SYT17: variants seen among roughly 807,000 people sequenced by gnomAD.
SYT17 encodes the protein synaptotagmin 17.
A neutral mutation model predicts 46.7 loss-of-function variants in SYT17; 22 were observed. That is an observed-to-expected ratio of 0.47 (90% CI 0.34 to 0.67). The LOEUF (loss-of-function observed/expected upper bound fraction) is 0.67. Ranked by LOEUF, SYT17 falls within the 30% of genes least tolerant of loss-of-function variation. The probability of loss-of-function intolerance (pLI) is 0.01; values close to 1 mark genes in which losing one functional copy is unlikely to be tolerated. For synonymous variants in SYT17, 251 were observed against 248.4 expected (o/e 1.01, Z -0.10); for missense variants, 519 against 612.8 (o/e 0.85, Z 1.62).
At chr16:19,187,206 T>A (rs994990859) in intron 5 of SYT17, among the ~76,000 whole-genome samples, 2 of 151,964 alleles carry the variant, frequency 1.3e-5, no homozygotes, top group East Asian at 3.9e-4. Flanking sequence ...GGTTAGTTTT[T>A]AAAAAAATAC....
intron 7 of SYT17, among the ~76,000 whole-genome samples, chr16:19,243,731 T>C (rs1967307844): frequency 7.0e-6 from 1 of 143,560 alleles, no homozygotes; most frequent in Non-Finnish European, 1.5e-5. Flanking sequence ...GGCAGGAGAA[T>C]CACTTGAATC....
chr16:19,206,095 T>C (rs185656829), intron 5 of SYT17, among the ~76,000 whole-genome samples: 1 of 152,250 alleles, frequency 6.6e-6, no homozygotes, highest in Admixed American at 6.5e-5. Flanking sequence ...AGTGTGATAG[T>C]AGAAATGACA....
In SYT17 at chr16:19,258,694, C is replaced by T. The variant is rs548170927; in HGVS notation, c.1229-8186C>T. 1.2e-3 allele frequency among the ~76,000 whole-genome samples: 181 copies of T among 152,162 alleles called. 1 individual carries two copies. Among genetic ancestry groups the T allele is most frequent in the African/African-American group, 4.2e-3 (173 of 41,518 alleles). On this transcript the variant is annotated intron_variant, in intron 7 of 7. Coordinates refer to ENST00000355377, the MANE Select transcript of SYT17 (RefSeq NM_016524.4). ...AACAGGGGAGATGGAGGAATTGCTACTGATATTTAGTGTGAGATGATAGGA... is the reference window on the plus strand; with the variant it reads ...AACAGGGGAGATGGAGGAATTGCTATTGATATTTAGTGTGAGATGATAGGA...
rs1021309439 is a variant in SYT17 at position 19,183,092 on chromosome 16, A to G, written c.332-436A>G. Among the ~76,000 whole-genome samples, 1 of 152,186 alleles carries G rather than the reference A, an allele frequency of 6.6e-6. No individual in the cohort carries two copies. Among genetic ancestry groups the G allele is most frequent in the Non-Finnish European group, 1.5e-5 (1 of 68,036 alleles). ...CCCAGAGCTCACTCTCTTAAAGTGG[A>G]GACATCGTAGGATAATGGTTAGAGC... On this transcript the variant is annotated intron_variant, in intron 4 of 7. Coordinates refer to ENST00000355377, the MANE Select transcript of SYT17 (RefSeq NM_016524.4). This position sits in a 1 kb window ranked among gnomAD's most constrained non-coding sequence, Gnocchi z 5.6.
At chr16:19,207,682 C>G (rs1965726278) in intron 5 of SYT17, among the ~76,000 whole-genome samples, 1 of 152,172 alleles carries the variant, frequency 6.6e-6, no homozygotes, top group Non-Finnish European at 1.5e-5. Flanking sequence ...TGTAAGGTCA[C>G]TACCCTCAAT....
At chr16:19,242,284 T>C (rs1013560106) in intron 7 of SYT17, among the ~76,000 whole-genome samples, 5 of 152,174 alleles carry the variant, frequency 3.3e-5, no homozygotes, top group African/African-American at 1.2e-4. Context: ...CCAGGAAAAT[T>C]ACTCTAAATT....
At chr16:19,262,008 A>G (rs1351248913) in intron 7 of SYT17, among the ~76,000 whole-genome samples, 1 of 152,228 alleles carries the variant, frequency 6.6e-6, no homozygotes, top group African/African-American at 2.4e-5. Context: ...CAGGAAAAGG[A>G]GGAAAACAAA....
intron 7 of SYT17, among the ~76,000 whole-genome samples, chr16:19,225,707 G>T (rs562828574): frequency 6.6e-6 from 1 of 152,292 alleles, no homozygotes; most frequent in East Asian, 1.9e-4. Context: ...CTGTTGAACT[G>T]GGGACCTCAG....
At chr16:19,202,234 A>C (rs757155778) in intron 5 of SYT17, among the ~76,000 whole-genome samples, 1 of 152,200 alleles carries the variant, frequency 6.6e-6, no homozygotes, top group Non-Finnish European at 1.5e-5. Flanking sequence ...CCTCTGACTG[A>C]CCTGGCTAAT....
chr16:19,180,475 G>A lies in SYT17; in HGVS notation c.267G>A (p.Pro89=), dbSNP rs1161095292. 6.2e-7 allele frequency: 1 copy of A among 1,614,168 alleles called. No individual in the cohort carries two copies. Among genetic ancestry groups the A allele is most frequent in the East Asian group, 2.2e-5 (1 of 44,884 alleles). The part of the protein sequence containing the change: ...EVPLTPRTNS[P]DGRRSSSDTS... ...CGCTGACCCCACGGACCAATTCCCC[G>A]GATGGAAGACGCTCGTCCTCAGACA... Residue 89 remains proline (P), a synonymous_variant, in exon 4 of 8, where the codon CCG becomes CCA. Coordinates refer to ENST00000355377, the MANE Select transcript of SYT17 (RefSeq NM_016524.4).
intron 7 of SYT17, among the ~76,000 whole-genome samples, chr16:19,239,787 G>A (rs1966956463): frequency 6.6e-6 from 1 of 152,164 alleles, no homozygotes; most frequent in Non-Finnish European, 1.5e-5. Flanking sequence ...GGCTGTGCTC[G>A]GCTCATGCTA....
Position 19,248,143 on chromosome 16 carries a change from C to T in SYT17, c.1229-18737C>T, listed in dbSNP as rs76605846. On this transcript the variant is annotated intron_variant, in intron 7 of 7. Transcript: ENST00000355377. The stretch of plus-strand genomic sequence containing the variant: ...AAAGATGCTGCTCTTCATCAGTCAA[C>T]AGAAATGCAAATTAAAACCATAATA... Among the ~76,000 whole-genome samples, 176 of 152,284 alleles carry T rather than the reference C, an allele frequency of 1.2e-3. 1 individual carries two copies. Among genetic ancestry groups the T allele is most frequent in the Admixed American group, 2.9e-3 (45 of 15,292 alleles).
chr16:19,208,368 G>A (rs1230022209), intron 5 of SYT17, among the ~76,000 whole-genome samples: 1 of 152,188 alleles, frequency 6.6e-6, no homozygotes, highest in African/African-American at 2.4e-5. Context: ...AGGTTCCGTT[G>A]ACTCACCGTT....
rs548783557 is a variant in SYT17 at position 19,216,094 on chromosome 16, C to G, written c.952-6951C>G. On this transcript the variant is annotated intron_variant, in intron 5 of 7. Transcript: ENST00000355377. ...GATGAGATTTGAGCGGGAACACATCCAAACCATATCAACTTTTATATAATA... is the reference window on the plus strand; with the variant it reads ...GATGAGATTTGAGCGGGAACACATCGAAACCATATCAACTTTTATATAATA... Among the ~76,000 whole-genome samples, 16 of 152,216 alleles carry G rather than the reference C, an allele frequency of 1.1e-4. 1 individual carries two copies. Among genetic ancestry groups the G allele is most frequent in the African/African-American group, 3.6e-4 (15 of 41,532 alleles).
Position 19,223,166 on chromosome 16 carries a change from G to T in SYT17, c.1072+1G>T. The T allele has an allele frequency of 6.2e-7, 1 of 1,613,446 alleles. No homozygotes were observed. Among genetic ancestry groups the T allele is most frequent in the Non-Finnish European group, 8.5e-7 (1 of 1,179,508 alleles). ...CAGACAGATGTGAGCCAAGGTTCAG[G>T]TACCGTGTGATTCCCCTCTTCTCTC... is the stretch of plus-strand genomic sequence containing the variant. On this transcript the variant is annotated splice_donor_variant, in intron 6 of 7. Coordinates refer to ENST00000355377, the MANE Select transcript of SYT17 (RefSeq NM_016524.4). LOFTEE classifies it high-confidence loss of function.
chr16:19,180,640 G>T, intron 4 of SYT17, 101 bp downstream of exon 4: 1 of 1,432,346 alleles, frequency 7.0e-7, no homozygotes, highest in Non-Finnish European at 9.6e-7. Context: ...GGGGGAGGGC[G>T]GCAGAGTGGG....
chr16:19,189,285 A>G (rs1427289106), intron 5 of SYT17, among the ~76,000 whole-genome samples: 1 of 150,770 alleles, frequency 6.6e-6, no homozygotes, highest in Non-Finnish European at 1.5e-5. Context: ...CAATGACCCA[A>G]TTTCCAAATA....
intron 5 of SYT17, among the ~76,000 whole-genome samples, chr16:19,204,463 G>C (rs1348706480): frequency 1.3e-5 from 2 of 152,010 alleles, no homozygotes; most frequent in African/African-American, 4.8e-5. Context: ...TCAGCTTTCG[G>C]CGTTGAGGTG....
At chr16:19,221,827 A>T (rs1966329530) in intron 5 of SYT17, among the ~76,000 whole-genome samples, 1 of 152,228 alleles carries the variant, frequency 6.6e-6, no homozygotes, top group African/African-American at 2.4e-5. Flanking sequence ...TAGATGAGAC[A>T]GTTAGATAGA....
Sources: gnomAD v4.1 joint callset for allele counts (sites outside exome capture counted in the v4.1 genomes callset) on GRCh38, gnomAD v4.1.1 for gene constraint, Gnocchi (gnomAD v3.1) non-coding constraint, MANE v1.5 for transcripts, NCBI Gene and HGNC (gene_info 2026-07-23, HGNC 2026-07-21) for gene names.